ENAH: variants seen among roughly 807,000 people sequenced by gnomAD.
The protein encoded by ENAH is protein enabled homolog.
Under a neutral mutation model 78.7 loss-of-function variants are expected in ENAH, and 23 were observed. That is an observed-to-expected ratio of 0.29 (90% CI 0.21 to 0.41). The LOEUF is 0.41. ENAH is among the 10% of genes least tolerant of loss of function. ENAH has a pLI of 1.00. For missense variants in ENAH, 544 were observed against 691.0 expected (o/e 0.79, Z 2.39); for synonymous variants, 226 against 241.0 (o/e 0.94, Z 0.58).
intron 1 of ENAH, among the ~76,000 whole-genome samples, chr1:225,568,731 G>C (rs1415571314): frequency 1.3e-5 from 2 of 152,186 alleles, no homozygotes; most frequent in Non-Finnish European, 2.9e-5. Flanking sequence ...CCATCCAAGA[G>C]GGATAATGAA....
chr1:225,497,141 C>T lies in ENAH; in HGVS notation c.*634G>A, dbSNP rs1022690318. The T allele has an allele frequency of 6.6e-6, 1 of 152,568 alleles. No individual in the cohort carries two copies. The highest frequency in any genetic ancestry group is 2.4e-5 in the African/African-American group (1 of 41,432). The allele number at this position is 152,568 out of a possible 1,614,324, so 9.5% of individuals were successfully genotyped here. On this transcript the variant is annotated 3_prime_UTR_variant, in exon 14 of 14. Transcript: ENST00000366843. Reference sequence around the variant, plus strand: ...CTACAAAATTGCATGAAGGCTAACTCGAGAAACTTCCTATCATTCTAAAAT... The same window carrying T: ...CTACAAAATTGCATGAAGGCTAACTTGAGAAACTTCCTATCATTCTAAAAT...
intron 1 of ENAH, among the ~76,000 whole-genome samples, chr1:225,639,276 T>C (rs987684623): frequency 1.3e-5 from 2 of 152,220 alleles, no homozygotes; most frequent in African/African-American, 2.4e-5. Context: ...CAGGTATGTA[T>C]ACATAGTAAA....
At chr1:225,651,066 T>A (rs1434731266) in intron 1 of ENAH, among the ~76,000 whole-genome samples, 1 of 151,980 alleles carries the variant, frequency 6.6e-6, no homozygotes, top group Non-Finnish European at 1.5e-5. Context: ...AGTAACTTGA[T>A]TTAAAAAAAA....
chr1:225,641,119 T>TTTG (rs1170715715), intron 1 of ENAH, among the ~76,000 whole-genome samples: 2 of 151,814 alleles, frequency 1.3e-5, no homozygotes, highest in African/African-American at 2.4e-5. Context: ...CGCCTCAGCC[T>TTTG]CCCAAAGTGC....
At chr1:225,570,721 G>A (rs1341143482) in intron 1 of ENAH, among the ~76,000 whole-genome samples, 2 of 151,998 alleles carry the variant, frequency 1.3e-5, no homozygotes, top group Non-Finnish European at 2.9e-5. Flanking sequence ...ACTTTGGGAG[G>A]CCGAGGCGGG....
chr1:225,638,786 G>C (rs1021257099), intron 1 of ENAH, among the ~76,000 whole-genome samples: 5 of 152,134 alleles, frequency 3.3e-5, no homozygotes, highest in Non-Finnish European at 7.3e-5. Context: ...ATAGACCAAT[G>C]CAATAAATTA....
intron 1 of ENAH, among the ~76,000 whole-genome samples, chr1:225,608,120 G>A (rs2096966084): frequency 7.2e-6 from 1 of 139,094 alleles, no homozygotes; most frequent in Non-Finnish European, 1.6e-5. Context: ...CGTGAAATAA[G>A]AATGATTAAA....
chr1:225,615,926 GT>G (rs1428449006), intron 1 of ENAH, among the ~76,000 whole-genome samples: 1 of 152,222 alleles, frequency 6.6e-6, no homozygotes, highest in Non-Finnish European at 1.5e-5. Context: ...AAATCAGATT[GT>G]TACTGTGTCT....
chr1:225,552,055 T>TTA (rs2096643055), intron 3 of ENAH, among the ~76,000 whole-genome samples: 1 of 152,020 alleles, frequency 6.6e-6, no homozygotes, highest in Admixed American at 6.6e-5. Context: ...CCATATAATG[T>TTA]TGGGGTAGGG....
intron 1 of ENAH, among the ~76,000 whole-genome samples, chr1:225,618,824 C>T (rs912637175): frequency 1.3e-5 from 2 of 152,284 alleles, no homozygotes; most frequent in East Asian, 3.9e-4. Context: ...AAGGATTCTA[C>T]TCTATACTAA....
chr1:225,502,830 ATAT>A (rs1294574124), intron 11 of ENAH, among the ~76,000 whole-genome samples: 1 of 152,220 alleles, frequency 6.6e-6, no homozygotes, highest in Non-Finnish European at 1.5e-5. Context: ...GTTATTTCAT[ATAT>A]TCACTCATGC....
chr1:225,618,234 A>G (rs1656156659), intron 1 of ENAH, among the ~76,000 whole-genome samples: 1 of 152,188 alleles, frequency 6.6e-6, no homozygotes, highest in South Asian at 2.1e-4. Context: ...AATTCCCTGA[A>G]AGCAATCAGC....
chr1:225,529,076 G>C (rs2096525371), intron 4 of ENAH, among the ~76,000 whole-genome samples: 1 of 152,178 alleles, frequency 6.6e-6, no homozygotes, highest in Non-Finnish European at 1.5e-5. Context: ...CACTGCACCT[G>C]CCTCAAGTCG....
intron 3 of ENAH, among the ~76,000 whole-genome samples, chr1:225,553,255 G>A (rs1441132644): frequency 6.6e-6 from 1 of 151,962 alleles, no homozygotes. Flanking sequence ...AAATAAATTT[G>A]CATTTTGAAA....
At chr1:225,635,451 G>C (rs1401708523) in intron 1 of ENAH, among the ~76,000 whole-genome samples, 2 of 152,172 alleles carry the variant, frequency 1.3e-5, no homozygotes, top group African/African-American at 4.8e-5. Flanking sequence ...TCGTTCATTA[G>C]CTCCAGCTGC....
intron 3 of ENAH, among the ~76,000 whole-genome samples, chr1:225,536,408 T>C (rs886226601): frequency 6.6e-6 from 1 of 152,042 alleles, no homozygotes; most frequent in African/African-American, 2.4e-5. Flanking sequence ...TTTTTACTAT[T>C]ACTTTAGTGA....
At chr1:225,498,453 A>G (rs1161090139) in intron 12 of ENAH, 49 bp from the exon 13 acceptor site, 7 of 1,165,502 alleles carry the variant, frequency 6.0e-6, no homozygotes, top group Admixed American at 2.3e-5. Context: ...AATTACCACT[A>G]AAGAGATTCT....
intron 1 of ENAH, among the ~76,000 whole-genome samples, chr1:225,642,702 C>A (rs1661301704): frequency 6.6e-6 from 1 of 151,966 alleles, no homozygotes; most frequent in African/African-American, 2.4e-5. Context: ...ATATCGGATA[C>A]GATATATGTA....
rs1342035488 is a variant in ENAH, at chr1:225,489,416, G to A, written c.*8359C>T. 6.6e-6 allele frequency: 1 copy of A among 152,152 alleles called. No homozygotes were observed. The allele number at this position is 152,152 out of a possible 1,614,324, so 9.4% of individuals were successfully genotyped here. A position where few individuals can be genotyped will look rare whatever the true frequency, so the allele number is the denominator to read the frequency against. On this transcript the variant is annotated 3_prime_UTR_variant, in exon 14 of 14. Transcript: ENST00000366843. ...CTTTATGCAACACCACTGACCCCAA[G>A]ATGGTCACTCCATTGATTTTTCCGC...
Sources: gnomAD v4.1 joint callset for allele counts (sites outside exome capture counted in the v4.1 genomes callset) on GRCh38, gnomAD v4.1.1 for gene constraint, MANE v1.5 for transcripts, NCBI Gene and HGNC (gene_info 2026-07-23, HGNC 2026-07-21) for gene names.